Variants in ERCC6L2 observed in about 807,000 individuals in gnomAD.
The protein encoded by ERCC6L2 is DNA excision repair protein ERCC-6-like 2.
A neutral mutation model predicts 132.0 loss-of-function variants in ERCC6L2; 77 were observed. The ratio of observed to expected loss-of-function variants is 0.58; its 90% CI spans 0.49 to 0.71. ERCC6L2 has a LOEUF of 0.71. Among genes scored for constraint, ERCC6L2 ranks in the 30% least tolerant of loss-of-function variants. The probability of loss-of-function intolerance (pLI) is 0.00; values close to 1 mark genes in which losing one functional copy is unlikely to be tolerated. For missense variants in ERCC6L2, 1,542 were observed against 1,837.6 expected (o/e 0.84, Z 2.94); for synonymous variants, 583 against 632.4 (o/e 0.92, Z 1.17).
chr9:95,923,406 A>G (rs1270367390), intron 9 of ERCC6L2, 27 bp downstream of exon 9: 12 of 1,611,000 alleles, frequency 7.4e-6, no homozygotes, highest in South Asian at 1.1e-5. Context: ...CAGGTTGCAT[A>G]CAGACATGAT....
At chr9:95,963,586 C>T (rs1323710770) in intron 13 of ERCC6L2, among the ~76,000 whole-genome samples, 1 of 152,102 alleles carries the variant, frequency 6.6e-6, no homozygotes, top group Non-Finnish European at 1.5e-5. Flanking sequence ...TTTGATAAAA[C>T]ATGATGCTGT....
At chr9:96,019,664 A>C (rs1407426820), downstream of ERCC6L2, 1 of 151,984 alleles carries the variant, frequency 6.6e-6, no homozygotes, top group African/African-American at 2.4e-5. Flanking sequence ...AGCTTCCCCT[A>C]CTCCACATTG....
intron 19 of ERCC6L2, among the ~76,000 whole-genome samples, chr9:96,032,692 C>T (rs58506259): frequency 0.057 from 8,745 of 152,218 alleles, 834 homozygotes; most frequent in African/African-American, 0.2. Flanking sequence ...ACCAGGAGCC[C>T]GGAGCTGGCA....
intron 17 of ERCC6L2, among the ~76,000 whole-genome samples, chr9:95,995,328 A>G (rs2133171791): frequency 6.6e-6 from 1 of 152,226 alleles, no homozygotes; most frequent in East Asian, 1.9e-4. Context: ...AAAAAGTATT[A>G]TCAAAGTTCA....
At chr9:95,954,960 G>A in intron 12 of ERCC6L2, 1 of 454,900 alleles carries the variant, frequency 2.2e-6, no homozygotes, top group East Asian at 7.0e-5. Flanking sequence ...GTAACATATG[G>A]GTGACCTTAT....
At chr9:96,036,763 A>ATTTT (rs201535314) in intron 19 of ERCC6L2, among the ~76,000 whole-genome samples, 1 of 137,666 alleles carries the variant, frequency 7.3e-6, no homozygotes, top group African/African-American at 2.8e-5. Context: ...TATTATTATT[A>ATTTT]TTTTTATTTA....
At chr9:96,035,231 G>C (rs1034258289) in intron 19 of ERCC6L2, among the ~76,000 whole-genome samples, 2 of 152,196 alleles carry the variant, frequency 1.3e-5, no homozygotes. Flanking sequence ...GAGCAGAAGG[G>C]GGCGGGTCCC....
intron 10 of ERCC6L2, 60 bp downstream of exon 10, chr9:95,928,210 T>G (rs1448023140): frequency 2.6e-6 from 3 of 1,152,620 alleles, no homozygotes; most frequent in East Asian, 4.7e-5. Context: ...GCATAAAGAA[T>G]AAAGCATATG....
chr9:95,960,904 C>A (rs55881510), intron 13 of ERCC6L2, among the ~76,000 whole-genome samples: 1 of 152,136 alleles, frequency 6.6e-6, no homozygotes, highest in East Asian at 1.9e-4. Context: ...GATTCTAGCC[C>A]GGATGACTTC....
At chr9:95,927,362 A>T (rs1830144333) in intron 9 of ERCC6L2, among the ~76,000 whole-genome samples, 1 of 152,086 alleles carries the variant, frequency 6.6e-6, no homozygotes, top group South Asian at 2.1e-4. Flanking sequence ...TGTATAGAAA[A>T]TTTCTTTTTC....
intron 4 of ERCC6L2, among the ~76,000 whole-genome samples, chr9:95,907,742 A>G (rs1829117828): frequency 6.6e-6 from 1 of 151,784 alleles, no homozygotes; most frequent in African/African-American, 2.4e-5. Flanking sequence ...CCTTTTATGC[A>G]GACACTGCCT....
chr9:95,957,930 G>C (rs1256543841), intron 13 of ERCC6L2, among the ~76,000 whole-genome samples: 3 of 151,466 alleles, frequency 2.0e-5, no homozygotes, highest in Non-Finnish European at 2.9e-5. Flanking sequence ...ACAATGTGCA[G>C]GTTAGTTACA....
At chr9:95,933,728 C>G (rs975421489) in intron 11 of ERCC6L2, among the ~76,000 whole-genome samples, 4 of 151,724 alleles carry the variant, frequency 2.6e-5, no homozygotes, top group Non-Finnish European at 5.9e-5. Context: ...CCTGTAGTCC[C>G]AGCTACTCAG....
chr9:95,876,237 A>C, intron 1 of ERCC6L2, 153 bp downstream of exon 1: 4 of 625,834 alleles, frequency 6.4e-6, no homozygotes, highest in Non-Finnish European at 1.1e-5. Context: ...CTGGAACCAA[A>C]TCTCCGATTC....
At chr9:95,990,898 T>C (rs905921079) in intron 17 of ERCC6L2, among the ~76,000 whole-genome samples, 1 of 152,070 alleles carries the variant, frequency 6.6e-6, no homozygotes, top group African/African-American at 2.4e-5. Context: ...AGGTGATGCA[T>C]GTGGAAGACT....
At chr9:95,907,856 C>CACACAAACACACACACACACA (rs869053572) in intron 4 of ERCC6L2, among the ~76,000 whole-genome samples, 2 of 145,830 alleles carry the variant, frequency 1.4e-5, no homozygotes, top group African/African-American at 2.6e-5. Context: ...CACACACACA[C>CACACAAACACACACACACACA]CCCCACACCC....
At chr9:95,931,552 A>G (rs1427240827) in intron 11 of ERCC6L2, among the ~76,000 whole-genome samples, 3 of 152,184 alleles carry the variant, frequency 2.0e-5, no homozygotes, top group African/African-American at 7.2e-5. Context: ...AAATACAGAA[A>G]ATGTCTTTTA....
rs1308417197 is a variant in ERCC6L2, at chr9:96,017,122, T to C, written c.*3919T>C. On this transcript the variant is annotated 3_prime_UTR_variant, in exon 19 of 19. Coordinates refer to ENST00000653738, the MANE Select transcript of ERCC6L2 (RefSeq NM_020207.7). ...ATCACGGATACAGACTTGTTTCTGG[T>C]TTCATCTTCCACCAGAGATTGCAAA... is the stretch of plus-strand genomic sequence containing the variant. Among the ~76,000 whole-genome samples the C allele has an allele frequency of 6.6e-6, 1 of 152,198 alleles. No homozygotes were observed. Among genetic ancestry groups the C allele is most frequent in the Admixed American group, 6.5e-5 (1 of 15,286 alleles).
chr9:95,962,180 A>T (rs150321860), intron 13 of ERCC6L2, among the ~76,000 whole-genome samples: 249 of 152,316 alleles, frequency 1.6e-3, no homozygotes, highest in African/African-American at 5.7e-3. Context: ...CTAGAGATAG[A>T]AAATAAAATA....
Sources: gnomAD v4.1 joint callset for allele counts (sites outside exome capture counted in the v4.1 genomes callset) on GRCh38, gnomAD v4.1.1 for gene constraint, MANE v1.5 for transcripts, NCBI Gene and HGNC (gene_info 2026-07-23, HGNC 2026-07-21) for gene names.